ANKRD33B: variants seen among roughly 807,000 people sequenced by gnomAD.
The protein encoded by ANKRD33B is ankyrin repeat domain-containing protein 33B.
Under a neutral mutation model 21.5 loss-of-function variants are expected in ANKRD33B, and 6 were observed. The observed-to-expected ratio is 0.28, with a 90% CI of 0.15 to 0.55. The LOEUF (loss-of-function observed/expected upper bound fraction) is 0.55, where lower values mean the gene tolerates loss of function less well. Among genes scored for constraint, ANKRD33B ranks in the 20% least tolerant of loss-of-function variants. ANKRD33B has a pLI of 0.94. For synonymous variants in ANKRD33B, 347 were observed against 342.4 expected (o/e 1.01, Z -0.15); for missense variants, 698 against 747.2 (o/e 0.93, Z 0.77).
rs955719652 is a variant in ANKRD33B at position 10,654,639 on chromosome 5, C to T, written c.*4526C>T. On this transcript the variant is annotated 3_prime_UTR_variant, in exon 4 of 4. Transcript: ENST00000296657. ...GGGGTAGGTGTGAAGTTGCTTCAGTCCCTCTGAGTTGCCTCTTCTGGATGG... is the reference window on the plus strand; with the variant it reads ...GGGGTAGGTGTGAAGTTGCTTCAGTTCCTCTGAGTTGCCTCTTCTGGATGG... 3.9e-5 allele frequency: 6 copies of T among 152,428 alleles called. No individual in the cohort carries two copies. In the East Asian group the frequency reaches 5.6e-4, roughly 14 times the overall value. The allele number at this position is 152,428 out of a possible 1,614,324, so 9.4% of individuals were successfully genotyped here.
intron 1 of ANKRD33B, among the ~76,000 whole-genome samples, chr5:10,603,399 A>G (rs1242266438): frequency 6.6e-6 from 1 of 151,686 alleles, no homozygotes; most frequent in East Asian, 1.9e-4. Context: ...AGTAGCTCAG[A>G]TTATAGGTGT....
At position 10,564,493 on chromosome 5, in the gene ANKRD33B, C is replaced by T. The variant is rs1179974711; in HGVS notation, c.26C>T (p.Pro9Leu). The change falls in exon 1 of 4, where the codon CCG becomes CTG. Residue 9 changes from proline (P) to leucine (L), a missense_variant. This residue lies in a region of ANKRD33B where 148 missense variants were observed against 154.9 expected (regional missense o/e 0.96). Coordinates refer to ENST00000296657, the MANE Select transcript of ANKRD33B (RefSeq NM_001164440.2). ...ATGGTGCTGCTGGCCGGGACCGGGC[C>T]GGAGGGCGGCGGGGCGCGCTGCATG... MVLLAGTGPEGGGARCMTP... is the reference protein window; with the variant it reads MVLLAGTGLEGGGARCMTP... 1.3e-6 allele frequency: 2 copies of T among 1,514,162 alleles called. No homozygotes were observed. Among genetic ancestry groups the T allele is most frequent in the South Asian group, 1.2e-5 (1 of 82,406 alleles). The allele number at this position is 1,514,162 out of a possible 1,614,324, so 93.8% of individuals were successfully genotyped here. A position where few individuals can be genotyped will look rare whatever the true frequency, so the allele number is the denominator to read the frequency against.
chr5:10,599,354 A>G (rs1428028537), intron 1 of ANKRD33B, among the ~76,000 whole-genome samples: 1 of 152,166 alleles, frequency 6.6e-6, no homozygotes, highest in Non-Finnish European at 1.5e-5. Flanking sequence ...GGTGAAATAT[A>G]TATAACATAA....
intron 1 of ANKRD33B, among the ~76,000 whole-genome samples, chr5:10,569,801 C>T (rs539468741): frequency 2.7e-4 from 41 of 152,246 alleles, no homozygotes; most frequent in Non-Finnish European, 4.7e-4. Context: ...CTGCCTCTTC[C>T]TCTTCTGCTG....
chr5:10,640,167 A>G (rs903569018), intron 3 of ANKRD33B, among the ~76,000 whole-genome samples: 2 of 151,438 alleles, frequency 1.3e-5, no homozygotes, highest in Non-Finnish European at 1.5e-5. Context: ...GGTGATGTGG[A>G]GTTGCGTGGT....
chr5:10,582,989 C>CT lies in ANKRD33B; in HGVS notation c.366+18172dup, dbSNP rs5865896. On this transcript the variant is annotated intron_variant, in intron 1 of 3. Coordinates refer to ENST00000296657, the MANE Select transcript of ANKRD33B (RefSeq NM_001164440.2). ...CATGGTTGGTGGATGATTGTCCCTG[C>CT]TTTTTTTTTTTTTTTTCTTGTTTTT... Among the ~76,000 whole-genome samples the CT allele has an allele frequency of 1.1e-3, 156 of 138,500 alleles. 1 individual carries two copies. The highest frequency in any genetic ancestry group is 1.5e-3 in the African/African-American group (54 of 36,692). 90.9% of individuals were successfully genotyped at this position (138,500 alleles called of 152,430 possible). A position where few individuals can be genotyped will look rare whatever the true frequency, so the allele number is the denominator to read the frequency against.
intron 1 of ANKRD33B, among the ~76,000 whole-genome samples, chr5:10,605,615 G>A (rs1296812665): frequency 3.3e-5 from 5 of 151,636 alleles, no homozygotes; most frequent in African/African-American, 7.3e-5. Context: ...AGCAACCTCC[G>A]CCTCCCGGGT....
In ANKRD33B at chr5:10,653,472, G is replaced by A. The variant is rs895748640; in HGVS notation, c.*3359G>A. 3 of 152,676 alleles carry A rather than the reference G, an allele frequency of 2.0e-5. No homozygotes were observed. Among genetic ancestry groups the A allele is most frequent in the East Asian group, 1.9e-4 (1 of 5,326 alleles). 9.5% of individuals were successfully genotyped at this position (152,676 alleles called of 1,614,324 possible). A position where few individuals can be genotyped will look rare whatever the true frequency, so the allele number is the denominator to read the frequency against. ...ATGGGGAAACAGAGCCACCTTGAGG[G>A]GGTGTCATGGGGTCAGTGTCAGGGT... On this transcript the variant is annotated 3_prime_UTR_variant, in exon 4 of 4. Coordinates refer to ENST00000296657, the MANE Select transcript of ANKRD33B (RefSeq NM_001164440.2).
At chr5:10,583,341 T>C (rs1252845958) in intron 1 of ANKRD33B, among the ~76,000 whole-genome samples, 1 of 152,228 alleles carries the variant, frequency 6.6e-6, no homozygotes, top group East Asian at 1.9e-4. Flanking sequence ...CGTGCCCTGT[T>C]GCCAGTTACA....
chr5:10,653,095 G>T lies in ANKRD33B; in HGVS notation c.*2982G>T, dbSNP rs931771994. On this transcript the variant is annotated 3_prime_UTR_variant, in exon 4 of 4. Coordinates refer to ENST00000296657, the MANE Select transcript of ANKRD33B (RefSeq NM_001164440.2). ...CCTGCCAGACCCAACTGAAAGAAGGGTCATTCCTGATTGAGTTGGAGACTC... is the reference window on the plus strand; with the variant it reads ...CCTGCCAGACCCAACTGAAAGAAGGTTCATTCCTGATTGAGTTGGAGACTC... 5.8e-5 allele frequency: 10 copies of T among 171,666 alleles called. No individual in the cohort carries two copies. Among genetic ancestry groups the T allele is most frequent in the Admixed American group, 1.7e-4 (3 of 17,262 alleles). The allele number at this position is 171,666 out of a possible 1,614,324, so 10.6% of individuals were successfully genotyped here.
chr5:10,589,045 C>A (rs190602731), intron 1 of ANKRD33B, among the ~76,000 whole-genome samples: 175 of 152,248 alleles, frequency 1.1e-3, no homozygotes, highest in African/African-American at 3.8e-3. Flanking sequence ...GTAGATAAGA[C>A]CCCATACCCT....
intron 1 of ANKRD33B, among the ~76,000 whole-genome samples, chr5:10,567,010 C>T (rs1247424746): frequency 6.6e-6 from 1 of 152,172 alleles, no homozygotes; most frequent in Non-Finnish European, 1.5e-5. Flanking sequence ...AAGGCTTTTT[C>T]TCTCGCTGCT....
Position 10,646,261 on chromosome 5 carries a change from G to A in ANKRD33B, c.638-3005G>A, listed in dbSNP as rs187791553. ...TGGGTGGGAGATGACGATGCTGGGG[G>A]GTCTGCTGGCGAGAAGATGGATACA... On this transcript the variant is annotated intron_variant, in intron 3 of 3. Coordinates refer to ENST00000296657, the MANE Select transcript of ANKRD33B (RefSeq NM_001164440.2). Among the ~76,000 whole-genome samples the A allele has an allele frequency of 4.6e-5, 7 of 152,280 alleles. No homozygotes were observed. In the East Asian group the frequency reaches 1.2e-3, roughly 25 times the overall value.
At chr5:10,631,838 G>T (rs1177250676) in intron 2 of ANKRD33B, among the ~76,000 whole-genome samples, 1 of 152,218 alleles carries the variant, frequency 6.6e-6, no homozygotes, top group East Asian at 1.9e-4. Flanking sequence ...CGCGTCCTCT[G>T]TGGACCTGCC....
At chr5:10,620,063 G>C (rs1736385248) in intron 2 of ANKRD33B, among the ~76,000 whole-genome samples, 1 of 152,088 alleles carries the variant, frequency 6.6e-6, no homozygotes. Context: ...AGGGAAGGAT[G>C]GGGACCAGAC....
At chr5:10,582,989 CTT>C (rs5865896) in intron 1 of ANKRD33B, among the ~76,000 whole-genome samples, 232 of 138,502 alleles carry the variant, frequency 1.7e-3, no homozygotes, top group African/African-American at 4.3e-3. Context: ...ATTGTCCCTG[CTT>C]TTTTTTTTTT....
In ANKRD33B at chr5:10,564,527, A is replaced by G. The variant is rs368557746; in HGVS notation, c.60A>G (p.Pro20=). ...GCGGGGCGCGCTGCATGACCCCACC[A>G]CCGCCGTCCCCACCCCGGGGCGCGC... ...EGGGARCMTP[P]PPSPPRGAQV... is the part of the protein sequence containing the mutation. The change falls in exon 1 of 4, where the codon CCA becomes CCG. Residue 20 remains proline, a synonymous_variant. Transcript: ENST00000296657. 7.8e-6 allele frequency: 12 copies of G among 1,530,338 alleles called. No individual in the cohort carries two copies. Among genetic ancestry groups the G allele is most frequent in the East Asian group, 2.5e-5 (1 of 40,568 alleles). 94.8% of individuals were successfully genotyped at this position (1,530,338 alleles called of 1,614,324 possible).
intron 1 of ANKRD33B, among the ~76,000 whole-genome samples, chr5:10,603,054 T>C (rs573577518): frequency 6.6e-6 from 1 of 152,018 alleles, no homozygotes; most frequent in East Asian, 1.9e-4. Context: ...GCTCAAGCCA[T>C]CCTCCCGTCT....
At chr5:10,595,893 CAG>C (rs1369459277) in intron 1 of ANKRD33B, among the ~76,000 whole-genome samples, 16 of 152,190 alleles carry the variant, frequency 1.1e-4, no homozygotes, top group African/African-American at 3.9e-4. Flanking sequence ...GGCCTGAAAA[CAG>C]AGAGGGAGAA....
Sources: gnomAD v4.1 joint callset for allele counts (sites outside exome capture counted in the v4.1 genomes callset) on GRCh38, gnomAD v4.1.1 for gene constraint, gnomAD v4.1.1 regional missense constraint, MANE v1.5 for transcripts, NCBI Gene and HGNC (gene_info 2026-07-23, HGNC 2026-07-21) for gene names.